Variants in ARHGAP22 observed in about 807,000 individuals in gnomAD.
ARHGAP22 encodes Rho GTPase activating protein 22, also known as rho GTPase-activating protein 22.
In ARHGAP22, 48 loss-of-function variants were observed where a neutral mutation model predicts 59.1. That is an observed-to-expected ratio of 0.81 (90% CI 0.64 to 1.03). The LOEUF (loss-of-function observed/expected upper bound fraction) is 1.03, where lower values mean the gene tolerates loss of function less well. Among genes scored for constraint, ARHGAP22 ranks in the 50% least tolerant of loss-of-function variants. The probability of loss-of-function intolerance (pLI) is 0.00; values close to 1 mark genes in which losing one functional copy is unlikely to be tolerated. For missense variants in ARHGAP22, 1,015 were observed against 958.7 expected (o/e 1.06, Z -0.78); for synonymous variants, 445 against 416.4 (o/e 1.07, Z -0.84).
intron 1 of ARHGAP22, among the ~76,000 whole-genome samples, chr10:48,630,634 T>C (rs1220437822): frequency 6.6e-6 from 1 of 152,254 alleles, no homozygotes; most frequent in African/African-American, 2.4e-5. Flanking sequence ...CTTTTGGATA[T>C]TAACCTTATA....
chr10:48,650,912 C>G (rs1443386072), intron 1 of ARHGAP22, among the ~76,000 whole-genome samples: 1 of 152,176 alleles, frequency 6.6e-6, no homozygotes, highest in Non-Finnish European at 1.5e-5. Flanking sequence ...GAAGTGTCTG[C>G]AGCACGAGGC....
chr10:48,624,575 C>T (rs2061384838), intron 1 of ARHGAP22: 1 of 152,200 alleles, frequency 6.6e-6, no homozygotes, highest in South Asian at 2.1e-4. Flanking sequence ...TGTTTTGCAC[C>T]CCATCCAGCC....
At chr10:48,441,477 A>C (rs559300095), downstream of ARHGAP22, among the ~76,000 whole-genome samples, 1 of 145,626 alleles carries the variant, frequency 6.9e-6, no homozygotes, top group South Asian at 2.2e-4. Flanking sequence ...TTTGAGACAG[A>C]GTCTCGCTCT....
At chr10:48,453,967 G>A in intron 7 of ARHGAP22, 121 bp downstream of exon 7, 1 of 1,022,096 alleles carries the variant, frequency 9.8e-7, no homozygotes. Context: ...TTGAGGCTGT[G>A]CAGGGTGGGG....
intron 3 of ARHGAP22, among the ~76,000 whole-genome samples, chr10:48,530,717 C>T (rs548824961): frequency 6.6e-6 from 1 of 152,116 alleles, no homozygotes; most frequent in East Asian, 1.9e-4. Context: ...AACCACAACG[C>T]GATACCACCT....
intron 1 of ARHGAP22, among the ~76,000 whole-genome samples, chr10:48,585,124 G>A (rs956394916): frequency 1.3e-5 from 2 of 152,194 alleles, no homozygotes; most frequent in Admixed American, 1.3e-4. Context: ...AGGGTCCAGG[G>A]ACTAAAACCC....
At chr10:48,504,499 G>C (rs918241593) in intron 3 of ARHGAP22, among the ~76,000 whole-genome samples, 2 of 152,212 alleles carry the variant, frequency 1.3e-5, no homozygotes, top group African/African-American at 4.8e-5. Context: ...CAGAAATGGG[G>C]TGGGTCAGGA....
rs2057241400 is a variant in ARHGAP22 at position 48,555,504 on chromosome 10, C to T, written c.281G>A (p.Gly94Asp). 6.2e-7 allele frequency: 1 copy of T among 1,614,068 alleles called. No individual in the cohort carries two copies. The highest frequency in any genetic ancestry group is 8.5e-7 in the Non-Finnish European group (1 of 1,180,026). ...GAGGTGCTTCCCTGGGTCCTCGGGG[C>T]CAGGAGGAAGTTCAGTCACCTGTGT... Reference protein sequence around the residue: ...QGTQVTELPPGPEDPGKHLFE... With the variant: ...QGTQVTELPPDPEDPGKHLFE... The change falls in exon 3 of 10, where the codon GGC becomes GAC. Residue 94 changes from glycine (G) to aspartate (D), a missense_variant. Gly to Asp is a moderately conservative substitution (Grantham distance 94). Coordinates refer to ENST00000249601, the MANE Select transcript of ARHGAP22 (RefSeq NM_021226.4).
chr10:48,482,725 A>C (rs906610149), intron 3 of ARHGAP22, among the ~76,000 whole-genome samples: 1 of 152,176 alleles, frequency 6.6e-6, no homozygotes, highest in Non-Finnish European at 1.5e-5. Flanking sequence ...AGAGTGTGTA[A>C]TAATCAACTC....
intron 8 of ARHGAP22, 58 bp downstream of exon 8, chr10:48,453,246 C>T: frequency 6.2e-7 from 1 of 1,607,316 alleles, no homozygotes; most frequent in Non-Finnish European, 8.5e-7. Flanking sequence ...TTGCCGTGGA[C>T]CAAGATGAGC....
intron 1 of ARHGAP22, among the ~76,000 whole-genome samples, chr10:48,643,674 G>T (rs537741816): frequency 3.3e-5 from 5 of 150,696 alleles, no homozygotes; most frequent in Non-Finnish European, 4.4e-5. Context: ...AATGGGTGCA[G>T]CACACCAACA....
chr10:48,508,455 G>C (rs2052390150), intron 3 of ARHGAP22, among the ~76,000 whole-genome samples: 1 of 152,194 alleles, frequency 6.6e-6, no homozygotes, highest in African/African-American at 2.4e-5. Flanking sequence ...CCCGGGAGGG[G>C]GTCCCATCAG....
rs34557935 is a variant in ARHGAP22 at position 48,577,801 on chromosome 10, G to GTTTTTTTTTTTTTTT, written c.234+5137_234+5151dup. 2.5e-3 allele frequency among the ~76,000 whole-genome samples: 148 copies of GTTTTTTTTTTTTTTT among 59,154 alleles called. 34 individuals are homozygous for GTTTTTTTTTTTTTTT. The highest frequency in any genetic ancestry group is 0.018 in the East Asian group (22 of 1,246). 38.8% of individuals were successfully genotyped at this position (59,154 alleles called of 152,430 possible). A position where few individuals can be genotyped will look rare whatever the true frequency, so the allele number is the denominator to read the frequency against. ...TCTGAGATCTAACTGCTCTTTTTTG[G>GTTTTTTTTTTTTTTT]TTTTTTTTTTTTTTTTTTTTTTTTT... is the stretch of plus-strand genomic sequence containing the variant. On this transcript the variant is annotated intron_variant, in intron 2 of 9. Coordinates refer to ENST00000249601, the MANE Select transcript of ARHGAP22 (RefSeq NM_021226.4).
At chr10:48,562,517 C>T (rs1162692568) in intron 2 of ARHGAP22, among the ~76,000 whole-genome samples, 2 of 152,096 alleles carry the variant, frequency 1.3e-5, no homozygotes, top group Non-Finnish European at 2.9e-5. Context: ...ATAATTATGC[C>T]ATGGGAAAGA....
chr10:48,645,466 G>GA (rs2062252494), intron 1 of ARHGAP22, among the ~76,000 whole-genome samples: 1 of 152,064 alleles, frequency 6.6e-6, no homozygotes, highest in South Asian at 2.1e-4. Flanking sequence ...TTTGACACCT[G>GA]AAAAAATCAA....
intron 3 of ARHGAP22, among the ~76,000 whole-genome samples, chr10:48,480,271 C>T (rs7071628): frequency 0.92 from 139,281 of 152,162 alleles, 65,046 homozygotes; most frequent in East Asian, 1. Flanking sequence ...TGCAGCACAG[C>T]ACCCCAGAAT....
Position 48,446,180 on chromosome 10 carries a change from C to A in ARHGAP22, c.*211G>T. 1 of 602,408 alleles carries A rather than the reference C, an allele frequency of 1.7e-6. No individual in the cohort carries two copies. The allele number at this position is 602,408 out of a possible 1,614,324, so 37.3% of individuals were successfully genotyped here. A position where few individuals can be genotyped will look rare whatever the true frequency, so the allele number is the denominator to read the frequency against. ...CTTGGTACCGTCCCCTTCTGACCCT[C>A]ACCAGGAACTGCATGGTTGGAGCAG... On this transcript the variant is annotated 3_prime_UTR_variant, in exon 10 of 10. Coordinates refer to ENST00000249601, the MANE Select transcript of ARHGAP22 (RefSeq NM_021226.4).
intron 3 of ARHGAP22, among the ~76,000 whole-genome samples, chr10:48,529,777 T>C (rs1162092444): frequency 6.6e-6 from 1 of 152,138 alleles, no homozygotes; most frequent in Admixed American, 6.5e-5. Context: ...TGGAACAGAA[T>C]AGAGAACCCA....
At chr10:48,625,515 A>C (rs539132899) in intron 1 of ARHGAP22, among the ~76,000 whole-genome samples, 1 of 152,224 alleles carries the variant, frequency 6.6e-6, no homozygotes, top group South Asian at 2.1e-4. Context: ...CTTTAAAAAC[A>C]TGTGCTTGAT....
Sources: gnomAD v4.1 joint callset for allele counts (sites outside exome capture counted in the v4.1 genomes callset) on GRCh38, gnomAD v4.1.1 for gene constraint, MANE v1.5 for transcripts, NCBI Gene and HGNC (gene_info 2026-07-23, HGNC 2026-07-21) for gene names.